Variants in NTN1 observed in about 807,000 individuals in gnomAD.
The protein encoded by NTN1 is netrin 1.
Under a neutral mutation model 54.2 loss-of-function variants are expected in NTN1, and 11 were observed. That is an observed-to-expected ratio of 0.20 (90% CI 0.13 to 0.34). The LOEUF (loss-of-function observed/expected upper bound fraction) is 0.34, where lower values mean the gene tolerates loss of function less well. Among genes scored for constraint, NTN1 ranks in the 10% least tolerant of loss-of-function variants. NTN1 has a pLI of 1.00. For missense variants in NTN1, 740 were observed against 893.1 expected (o/e 0.83, Z 2.18); for synonymous variants, 371 against 382.0 (o/e 0.97, Z 0.33).
intron 2 of NTN1, among the ~76,000 whole-genome samples, chr17:9,096,799 G>A (rs976983838): frequency 3.2e-4 from 49 of 152,262 alleles, no homozygotes; most frequent in African/African-American, 9.1e-4. Flanking sequence ...AATAGCAGGC[G>A]TCTTTGTCTT....
chr17:9,221,147 T>TGGCCC lies in NTN1; in HGVS notation c.1412-21_1412-20insGGCCC. 1.6e-5 allele frequency: 21 copies of TGGCCC among 1,303,744 alleles called. No individual in the cohort carries two copies. The highest frequency in any genetic ancestry group is 2.1e-4 in the Middle Eastern group (1 of 4,686). 80.8% of individuals were successfully genotyped at this position (1,303,744 alleles called of 1,614,324 possible). A position where few individuals can be genotyped will look rare whatever the true frequency, so the allele number is the denominator to read the frequency against. The stretch of plus-strand genomic sequence containing the variant: ...CAGCCTAATTAGTTTTTGTCTGTGC[T>TGGCCC]CCCCCCCCACCCCCCTGCAGACTGC... On this transcript the variant is annotated intron_variant, in intron 5 of 6. Coordinates refer to ENST00000173229, the MANE Select transcript of NTN1 (RefSeq NM_004822.3). The surrounding 1 kb of genome is among the most constrained non-coding windows in gnomAD (Gnocchi z 4.5).
intron 2 of NTN1, among the ~76,000 whole-genome samples, chr17:9,130,134 C>T (rs995937080): frequency 3.3e-5 from 5 of 152,066 alleles, no homozygotes; most frequent in African/African-American, 1.2e-4. Context: ...GTGGCTGTCT[C>T]GCTGTTTTCT....
intron 2 of NTN1, among the ~76,000 whole-genome samples, chr17:9,054,816 AG>A (rs2091973860): frequency 6.6e-6 from 1 of 152,150 alleles, no homozygotes; most frequent in South Asian, 2.1e-4. Flanking sequence ...GCACAGCGAA[AG>A]CTTTGGGATG....
intron 2 of NTN1, among the ~76,000 whole-genome samples, chr17:9,140,325 C>T (rs1246922607): frequency 6.6e-6 from 1 of 152,312 alleles, no homozygotes. Context: ...CTCTGCACCC[C>T]CTGCCCTGGT....
intron 5 of NTN1, among the ~76,000 whole-genome samples, chr17:9,188,438 AAAAAAG>A (rs1279856818): frequency 3.5e-5 from 3 of 85,750 alleles, no homozygotes; most frequent in Non-Finnish European, 6.9e-5. Flanking sequence ...CAAAAAAAAA[AAAAAAG>A]AGTGCTAAAT....
At chr17:9,054,502 A>C (rs2091971931) in intron 2 of NTN1, among the ~76,000 whole-genome samples, 2 of 152,216 alleles carry the variant, frequency 1.3e-5, no homozygotes, top group Non-Finnish European at 2.9e-5. Flanking sequence ...GGGGATATTC[A>C]TCTTGCCTTG....
chr17:9,153,341 T>C (rs929371522), intron 2 of NTN1, among the ~76,000 whole-genome samples: 5 of 151,788 alleles, frequency 3.3e-5, no homozygotes, highest in Non-Finnish European at 5.9e-5. Context: ...CCCAGCTACT[T>C]GGGAGCCTGA....
At chr17:9,123,762 G>A (rs189183951) in intron 2 of NTN1, among the ~76,000 whole-genome samples, 2 of 151,878 alleles carry the variant, frequency 1.3e-5, no homozygotes, top group African/African-American at 4.8e-5. Flanking sequence ...TCTCATTGTG[G>A]ACTTTCTGTT....
intron 6 of NTN1, among the ~76,000 whole-genome samples, chr17:9,223,691 C>T (rs1169552963): frequency 6.6e-6 from 1 of 152,226 alleles, no homozygotes; most frequent in Middle Eastern, 3.2e-3. Context: ...CCCTAGGCAG[C>T]CCTCTTGTGA....
intron 2 of NTN1, among the ~76,000 whole-genome samples, chr17:9,037,300 G>A (rs1346200412): frequency 1.3e-5 from 2 of 152,098 alleles, no homozygotes; most frequent in Non-Finnish European, 2.9e-5. Context: ...GTCTTTGTTA[G>A]TTTGATGGAT....
intron 2 of NTN1, among the ~76,000 whole-genome samples, chr17:9,090,546 A>AT (rs1380910226): frequency 1.3e-5 from 2 of 152,048 alleles, no homozygotes; most frequent in African/African-American, 4.8e-5. Flanking sequence ...AAAGTCATGG[A>AT]TGTTTCTGGT....
chr17:9,208,522 A>G (rs16958052), intron 5 of NTN1, among the ~76,000 whole-genome samples: 7,957 of 152,138 alleles, frequency 0.052, 261 homozygotes, highest in Middle Eastern at 0.11. Flanking sequence ...AAAATCCCAG[A>G]CCAGGAAATG....
intron 2 of NTN1, among the ~76,000 whole-genome samples, chr17:9,050,444 C>A (rs150912887): frequency 1.3e-5 from 2 of 151,210 alleles, no homozygotes; most frequent in African/African-American, 4.9e-5. Flanking sequence ...CTGAAGTGGG[C>A]GGATCACTTG....
intron 6 of NTN1, among the ~76,000 whole-genome samples, chr17:9,225,403 G>A (rs1183147533): frequency 6.6e-6 from 1 of 152,208 alleles, no homozygotes; most frequent in Non-Finnish European, 1.5e-5. Context: ...GGGGTGGGGT[G>A]GCAGGGCCTC....
chr17:9,114,153 G>GAA (rs869056034), intron 2 of NTN1, among the ~76,000 whole-genome samples: 11 of 93,000 alleles, frequency 1.2e-4, no homozygotes, highest in Non-Finnish European at 1.5e-4. Flanking sequence ...CAAAAAAAAA[G>GAA]AAAAAAAAAA....
At chr17:9,054,517 G>A (rs767319921) in intron 2 of NTN1, among the ~76,000 whole-genome samples, 28 of 152,202 alleles carry the variant, frequency 1.8e-4, no homozygotes, top group Non-Finnish European at 3.7e-4. Flanking sequence ...GCCTTGTAGA[G>A]GGGGGTCTTT....
At chr17:9,186,021 T>C (rs940237594) in intron 5 of NTN1, among the ~76,000 whole-genome samples, 1 of 151,228 alleles carries the variant, frequency 6.6e-6, no homozygotes, top group Non-Finnish European at 1.5e-5. Flanking sequence ...CCTGCTGGGG[T>C]TTCCTCTTCA....
intron 5 of NTN1, among the ~76,000 whole-genome samples, chr17:9,191,931 C>T (rs369520470): frequency 2.0e-5 from 3 of 148,060 alleles, no homozygotes; most frequent in Non-Finnish European, 3.0e-5. Context: ...CCAGCTATCA[C>T]GCCACTGCAC....
At chr17:9,225,038 G>A (rs938622439) in intron 6 of NTN1, among the ~76,000 whole-genome samples, 3 of 152,104 alleles carry the variant, frequency 2.0e-5, no homozygotes, top group African/African-American at 4.8e-5. Flanking sequence ...AGAGGTGGGC[G>A]GATCACGAGG....
Sources: allele counts gnomAD v4.1 joint callset (sites outside exome capture counted in the v4.1 genomes callset), GRCh38; gene constraint gnomAD v4.1.1; non-coding constraint Gnocchi (gnomAD v3.1); transcripts MANE v1.5; gene names NCBI Gene and HGNC (gene_info 2026-07-23, HGNC 2026-07-21).